ZNF518B: variants seen among roughly 807,000 people sequenced by gnomAD.
The protein encoded by ZNF518B is zinc finger protein 518B.
Under a neutral mutation model 56.3 loss-of-function variants are expected in ZNF518B, and 23 were observed. The observed-to-expected ratio is 0.41, with a 90% CI of 0.29 to 0.58. The LOEUF is 0.58. ZNF518B is among the 20% of genes least tolerant of loss of function. ZNF518B has a pLI of 0.32. For synonymous variants in ZNF518B, 529 were observed against 465.9 expected, an observed-to-expected ratio of 1.14 and a Z score of -1.74; for missense variants, 1,460 against 1,272.1, an observed-to-expected ratio of 1.15 and a Z score of -2.25.
At chr4:10,448,790 T>A (rs1715177452) in intron 2 of ZNF518B, among the ~76,000 whole-genome samples, 1 of 152,130 alleles carries the variant, frequency 6.6e-6, no homozygotes, top group Non-Finnish European at 1.5e-5. Flanking sequence ...GCCTTTTACA[T>A]TACACTGCAT....
rs1014319121 is a variant in ZNF518B, at chr4:10,440,851, A to C, written c.*2253T>G. 3 of 152,336 alleles carry C rather than the reference A, an allele frequency of 2.0e-5. No individual in the cohort carries two copies. Among genetic ancestry groups the C allele is most frequent in the Admixed American group, 1.3e-4 (2 of 15,284 alleles). The allele number at this position is 152,336 out of a possible 1,614,324, so 9.4% of individuals were successfully genotyped here. A position where few individuals can be genotyped will look rare whatever the true frequency, so the allele number is the denominator to read the frequency against. On this transcript the variant is annotated 3_prime_UTR_variant, in exon 3 of 3. Coordinates refer to ENST00000326756, the MANE Select transcript of ZNF518B (RefSeq NM_053042.3). The stretch of plus-strand genomic sequence containing the variant: ...TGTGGTGAGGAATAGGAGATAAAAA[A>C]GTGGCAAACAAAACAAAACAAAAAA...
At chr4:10,447,647 C>CGT (rs11439229) in intron 2 of ZNF518B, among the ~76,000 whole-genome samples, 5 of 121,378 alleles carry the variant, frequency 4.1e-5, no homozygotes, top group African/African-American at 1.6e-4. Context: ...ACAGAGTGAC[C>CGT]TTTTTTTTTT....
At chr4:10,453,194 G>GT (rs1431097456) in intron 2 of ZNF518B, 1 of 152,224 alleles carries the variant, frequency 6.6e-6, no homozygotes, top group Non-Finnish European at 1.5e-5. Flanking sequence ...CAAGTGGGAG[G>GT]TAACTTTATG....
rs1714863546 is a variant in ZNF518B, at chr4:10,444,393, C to T, written c.1936G>A (p.Val646Ile). 2 of 1,614,056 alleles carry T rather than the reference C, an allele frequency of 1.2e-6. No homozygotes were observed. Among genetic ancestry groups the T allele is most frequent in the African/African-American group, 2.7e-5 (2 of 74,930 alleles). Residue 646 changes from valine to isoleucine, a missense_variant, in exon 3 of 3, where the codon GTC becomes ATC. By Grantham distance (29) the Val-to-Ile change is conservative. Coordinates refer to ENST00000326756, the MANE Select transcript of ZNF518B (RefSeq NM_053042.3). ...CTATTCCACTTAATGCCCTCGGGGACATTTTCAGATCCAGAGCTCAGAGAA... is the reference window on the plus strand; with the variant it reads ...CTATTCCACTTAATGCCCTCGGGGATATTTTCAGATCCAGAGCTCAGAGAA... ...VFSLSSGSEN[V>I]PEGIKWNSST...
rs766954849 is a variant in ZNF518B, at chr4:10,445,159, A to T, written c.1170T>A (p.Gly390=). The T allele has an allele frequency of 1.4e-5, 22 of 1,613,798 alleles. No homozygotes were observed. The South Asian group carries it at 2.4e-4, about 18-fold the overall frequency. ...AAAGTACTTTTTCTTGTTCATTTGA[A>T]CCCTTCTCTTTCACCATACGTTCAG... ...GNSERMVKEK[G]SNEQEKVLSA... The change falls in exon 3 of 3, where the codon GGT becomes GGA. Residue 390 remains glycine, a synonymous_variant. Transcript: ENST00000326756.
In ZNF518B at chr4:10,446,338, A is replaced by C. The variant is rs1715054908; in HGVS notation, c.-10T>G. ...GTCCAATATCCTTCATCTTATCTGCATTTCTAAAAAGAGCCAACTAAAATT... is the reference window on the plus strand; with the variant it reads ...GTCCAATATCCTTCATCTTATCTGCCTTTCTAAAAAGAGCCAACTAAAATT... On this transcript the variant is annotated 5_prime_UTR_variant, in exon 3 of 3. It removes an upstream start codon present in the reference 5' UTR. Coordinates refer to ENST00000326756, the MANE Select transcript of ZNF518B (RefSeq NM_053042.3). 6.3e-7 allele frequency: 1 copy of C among 1,586,032 alleles called. No homozygotes were observed. The highest frequency in any genetic ancestry group is 1.8e-5 in the Admixed American group (1 of 56,836).
chr4:10,460,358 C>T (rs1715710302), upstream of ZNF518B, among the ~76,000 whole-genome samples: 1 of 141,604 alleles, frequency 7.1e-6, no homozygotes, highest in South Asian at 2.3e-4. Context: ...TATGAATGCC[C>T]ATTCAGTGCA....
At chr4:10,460,324 C>CAAAAAAAA (rs1715706695), upstream of ZNF518B, among the ~76,000 whole-genome samples, 2 of 17,398 alleles carry the variant, frequency 1.1e-4, no homozygotes, top group Non-Finnish European at 1.9e-4. Flanking sequence ...AAAAAAAAAA[C>CAAAAAAAA]CAAAAAAAAA....
In ZNF518B at chr4:10,444,445, A is replaced by C. The variant is rs1050857562; in HGVS notation, c.1884T>G (p.Asn628Lys). ...ATACTGATGAGATGACTGGGCCATC[A>C]TTAGTGTTGTTAGTCCTTTCAGAAT... ...LKNSERTNNT[N>K]DGPVISSVFS... The change falls in exon 3 of 3, where the codon AAT becomes AAG. Residue 628 changes from asparagine (N) to lysine (K), a missense_variant. Physicochemically the swap from Asn to Lys is moderately conservative, Grantham distance 94. Coordinates refer to ENST00000326756, the MANE Select transcript of ZNF518B (RefSeq NM_053042.3). 5 of 1,614,084 alleles carry C rather than the reference A, an allele frequency of 3.1e-6. No homozygotes were observed. Among genetic ancestry groups the C allele is most frequent in the Non-Finnish European group, 4.2e-6 (5 of 1,180,048 alleles).
Position 10,443,955 on chromosome 4 carries a change from C to A in ZNF518B, c.2374G>T (p.Ala792Ser). The change falls in exon 3 of 3, where the codon GCT (alanine) becomes TCT (serine). Residue 792 changes from alanine (A) to serine (S), a missense_variant. Coordinates refer to ENST00000326756, the MANE Select transcript of ZNF518B (RefSeq NM_053042.3). ...NSSENAHIIE[A>S]TCEAPVSIPC... ...ATGCTGACAGGTGCTTCACATGTAGCCTCTATGATGTGGGCATTCTCAGAG... is the reference window on the plus strand; with the variant it reads ...ATGCTGACAGGTGCTTCACATGTAGACTCTATGATGTGGGCATTCTCAGAG... The A allele has an allele frequency of 6.2e-7, 1 of 1,614,204 alleles. No individual in the cohort carries two copies. Among genetic ancestry groups the A allele is most frequent in the Non-Finnish European group, 8.5e-7 (1 of 1,180,030 alleles).
upstream of ZNF518B, among the ~76,000 whole-genome samples, chr4:10,460,825 A>G (rs1715722485): frequency 6.6e-6 from 1 of 152,208 alleles, no homozygotes; most frequent in African/African-American, 2.4e-5. Flanking sequence ...AGCACTGTCC[A>G]TTGGAAAAGG....
upstream of ZNF518B, among the ~76,000 whole-genome samples, chr4:10,460,320 AAAACC>A (rs1344067613): frequency 2.9e-3 from 253 of 88,312 alleles, 46 homozygotes; most frequent in African/African-American, 0.023. Context: ...AAAAAAAAAA[AAAACC>A]AAAAAAAAAA....
chr4:10,446,385 A>T lies in ZNF518B; in HGVS notation c.-57T>A. 1 of 1,512,044 alleles carries T rather than the reference A, an allele frequency of 6.6e-7. No individual in the cohort carries two copies. The highest frequency in any genetic ancestry group is 2.3e-5 in the East Asian group (1 of 44,216). The allele number at this position is 1,512,044 out of a possible 1,614,324, so 93.7% of individuals were successfully genotyped here. ...AATTCAGAAAGTTTTCACATGATAA[A>T]ATCCTTAGGAGATATCCTTCTATAC... On this transcript the variant is annotated 5_prime_UTR_variant, in exon 3 of 3. Transcript: ENST00000326756.
In ZNF518B at chr4:10,443,756, T is replaced by C. The variant is rs749369449; in HGVS notation, c.2573A>G (p.His858Arg). ...TCCATACAAGAGGCCAGTTTTTCTA[T>C]GGATGGTGCTACAGACAGCACTCTC... ...RKESAVCSTI[H>R]RKTGLLYGQQ... Residue 858 changes from histidine to arginine, a missense_variant, in exon 3 of 3, where the codon CAT becomes CGT. His to Arg is a conservative substitution (Grantham distance 29). Coordinates refer to ENST00000326756, the MANE Select transcript of ZNF518B (RefSeq NM_053042.3). 1.4e-5 allele frequency: 23 copies of C among 1,614,120 alleles called. No homozygotes were observed. The highest frequency in any genetic ancestry group is 1.6e-4 in the Middle Eastern group (1 of 6,084).
In ZNF518B at chr4:10,452,123, T is replaced by C. The variant is rs566848605; in HGVS notation, c.-212+2682A>G. 2.6e-5 allele frequency: 4 copies of C among 152,326 alleles called. No homozygotes were observed. In the East Asian group the frequency reaches 5.8e-4, roughly 22 times the overall value. 9.4% of individuals were successfully genotyped at this position (152,326 alleles called of 1,614,324 possible). The stretch of plus-strand genomic sequence containing the variant: ...CAAAGTCCGCCTTTGAATGTGGCTC[T>C]ACCATACTCATTGCTGGGGCAGGGT... On this transcript the variant is annotated intron_variant, in intron 2 of 2. Coordinates refer to ENST00000326756, the MANE Select transcript of ZNF518B (RefSeq NM_053042.3).
In ZNF518B at chr4:10,446,147, G is replaced by A; in HGVS notation, c.182C>T (p.Ala61Val). Residue 61 changes from alanine to valine, a missense_variant, in exon 3 of 3, where the codon GCA becomes GTA. By Grantham distance (64) the Ala-to-Val change is moderately conservative. Transcript: ENST00000326756. The stretch of plus-strand genomic sequence containing the variant: ...GATCTTGTGAACACTTTTGCACTTT[G>A]CACATGTAGCAATGGTCATCATGGC... ...EAAMMTIATC[A>V]KCKSVHKISL... 5 of 1,614,186 alleles carry A rather than the reference G, an allele frequency of 3.1e-6. No individual in the cohort carries two copies. Among genetic ancestry groups the A allele is most frequent in the African/African-American group, 1.3e-5 (1 of 75,052 alleles).
upstream of ZNF518B, among the ~76,000 whole-genome samples, chr4:10,459,418 C>T (rs537621758): frequency 6.6e-6 from 1 of 152,270 alleles, no homozygotes; most frequent in East Asian, 1.9e-4. Context: ...TCTTCTTCTC[C>T]ACCCCCCAGC....
In ZNF518B at chr4:10,441,890, G is replaced by A. The variant is rs768954521; in HGVS notation, c.*1214C>T. Reference sequence around the variant, plus strand: ...GTGGTTAAGACAAATTAGAAACAGCGTTACTATCAATGAAAACTAGGGATC... The same window carrying A: ...GTGGTTAAGACAAATTAGAAACAGCATTACTATCAATGAAAACTAGGGATC... On this transcript the variant is annotated 3_prime_UTR_variant, in exon 3 of 3. Transcript: ENST00000326756. The A allele has an allele frequency of 7.9e-5, 12 of 152,186 alleles. No individual in the cohort carries two copies. The highest frequency in any genetic ancestry group is 1.3e-4 in the Non-Finnish European group (9 of 68,028). The allele number at this position is 152,186 out of a possible 1,614,324, so 9.4% of individuals were successfully genotyped here.
rs1714699267 is a variant in ZNF518B, at chr4:10,441,904, A to G, written c.*1200T>C. 1 of 152,190 alleles carries G rather than the reference A, an allele frequency of 6.6e-6. No individual in the cohort carries two copies. Among genetic ancestry groups the G allele is most frequent in the Non-Finnish European group, 1.5e-5 (1 of 68,032 alleles). The allele number at this position is 152,190 out of a possible 1,614,324, so 9.4% of individuals were successfully genotyped here. ...TTAGAAACAGCGTTACTATCAATGAAAACTAGGGATCGTGTTCCTGTAACT... is the reference window on the plus strand; with the variant it reads ...TTAGAAACAGCGTTACTATCAATGAGAACTAGGGATCGTGTTCCTGTAACT... On this transcript the variant is annotated 3_prime_UTR_variant, in exon 3 of 3. Transcript: ENST00000326756.
Sources: gnomAD v4.1 joint callset for allele counts (sites outside exome capture counted in the v4.1 genomes callset) on GRCh38, gnomAD v4.1.1 for gene constraint, MANE v1.5 for transcripts, NCBI Gene and HGNC (gene_info 2026-07-23, HGNC 2026-07-21) for gene names.